Variants in TOX observed in about 807,000 individuals in gnomAD.
The protein encoded by TOX is thymocyte selection associated high mobility group box.
TOX carries 11 observed loss-of-function variants against 53.7 expected under a neutral mutation model. The ratio of observed to expected loss-of-function variants is 0.20; its 90% CI spans 0.13 to 0.34. The LOEUF (loss-of-function observed/expected upper bound fraction) is 0.34. TOX is among the 10% of genes least tolerant of loss of function. The pLI is 1.00. For synonymous variants in TOX, 225 were observed against 245.3 expected (o/e 0.92, Z 0.77); for missense variants, 570 against 664.6 (o/e 0.86, Z 1.56).
intron 1 of TOX, among the ~76,000 whole-genome samples, chr8:59,008,303 G>C (rs1813830148): frequency 6.6e-6 from 1 of 152,324 alleles, no homozygotes; most frequent in South Asian, 2.1e-4. Context: ...TGAAGAAATT[G>C]TACAGCTTTA....
Position 58,939,470 on chromosome 8 carries a change from G to C in TOX, c.243C>G (p.His81Gln). Residue 81 changes from histidine (H) to glutamine (Q), a missense_variant, in exon 3 of 9, where the codon CAC (histidine) becomes CAG (glutamine). His to Gln is a conservative substitution (Grantham distance 24). Coordinates refer to ENST00000361421, the MANE Select transcript of TOX (RefSeq NM_014729.3). ...CAACTTCATTCAGGTGCACCAGCGA[G>C]TGGTCTGGGAGGGAAGGAGGAGTAA... ...PPITPPSLPDHSLVHLNEVES... is the reference protein window; with the variant it reads ...PPITPPSLPDQSLVHLNEVES... The C allele has an allele frequency of 1.9e-6, 3 of 1,614,222 alleles. No homozygotes were observed. Among genetic ancestry groups the C allele is most frequent in the Non-Finnish European group, 2.5e-6 (3 of 1,180,038 alleles).
chr8:58,943,615 TAA>T (rs752767981), intron 2 of TOX, among the ~76,000 whole-genome samples: 42,421 of 130,668 alleles, frequency 0.32, 6,408 homozygotes, highest in East Asian at 0.42. Context: ...TTTTTTTTTC[TAA>T]AAAAAAAAAA....
chr8:59,018,799 T>TA (rs762437971), intron 1 of TOX, among the ~76,000 whole-genome samples: 28 of 152,192 alleles, frequency 1.8e-4, no homozygotes, highest in Admixed American at 7.9e-4. Flanking sequence ...TCTTGCTGAT[T>TA]AAAAAAACCC....
Position 58,960,797 on chromosome 8 carries a change from G to A in TOX, c.103-789C>T, listed in dbSNP as rs148738704. Among the ~76,000 whole-genome samples the A allele has an allele frequency of 2.0e-3, 307 of 152,264 alleles. 2 individuals carry two copies. The highest frequency in any genetic ancestry group is 3.0e-3 in the Non-Finnish European group (207 of 68,020). On this transcript the variant is annotated intron_variant, in intron 1 of 8. Transcript: ENST00000361421. ...CAACAAAATACTTTTCAGTATTTGG[G>A]GTTTTGCAAGTAGTCATCACTCTAC...
intron 1 of TOX, among the ~76,000 whole-genome samples, chr8:59,078,361 G>T (rs934369288): frequency 6.6e-6 from 1 of 152,190 alleles, no homozygotes; most frequent in Admixed American, 6.5e-5. Context: ...TGGTAGGAGG[G>T]TTTGGGTCAT....
chr8:58,973,420 G>A (rs893037137), intron 1 of TOX, among the ~76,000 whole-genome samples: 25 of 152,310 alleles, frequency 1.6e-4, no homozygotes, highest in Non-Finnish European at 2.9e-4. Context: ...ACTATCAGAT[G>A]ACTGAAAAGA....
Position 58,807,740 on chromosome 8 carries a change from C to T in TOX, c.*7G>A. The T allele has an allele frequency of 6.2e-7, 1 of 1,614,056 alleles. No homozygotes were observed. Among genetic ancestry groups the T allele is most frequent in the Admixed American group, 1.7e-5 (1 of 60,024 alleles). ...TTCCTCAGTGGAAAGAAGAGGTGTT[C>T]AGATTCTCAAGTAAGGTACAGTGCT... On this transcript the variant is annotated 3_prime_UTR_variant, in exon 9 of 9. Coordinates refer to ENST00000361421, the MANE Select transcript of TOX (RefSeq NM_014729.3).
chr8:59,013,688 C>A lies in TOX; in HGVS notation c.103-53680G>T, dbSNP rs150040244. Among the ~76,000 whole-genome samples, 1,502 of 152,304 alleles carry A rather than the reference C, an allele frequency of 9.9e-3. 51 individuals are homozygous for A. Among genetic ancestry groups the A allele is most frequent in the South Asian group, 0.096 (464 of 4,826 alleles). ...CCTCCCAAAGTGCTGGGATTACAGG[C>A]GTGAGCCAGCGCACCTGGCCATCAA... On this transcript the variant is annotated intron_variant, in intron 1 of 8. Coordinates refer to ENST00000361421, the MANE Select transcript of TOX (RefSeq NM_014729.3).
At chr8:58,849,332 T>C (rs1810769791) in intron 4 of TOX, among the ~76,000 whole-genome samples, 1 of 152,124 alleles carries the variant, frequency 6.6e-6, no homozygotes. Context: ...TCCCTAAACT[T>C]TCCTGCATTG....
chr8:59,038,838 C>T (rs528328752), intron 1 of TOX, among the ~76,000 whole-genome samples: 1 of 152,236 alleles, frequency 6.6e-6, no homozygotes, highest in Non-Finnish European at 1.5e-5. Flanking sequence ...GTTTTGAAGT[C>T]AGCAAGTTGA....
intron 1 of TOX, among the ~76,000 whole-genome samples, chr8:59,005,192 C>T (rs1467750914): frequency 1.3e-5 from 2 of 152,100 alleles, no homozygotes; most frequent in African/African-American, 2.4e-5. Flanking sequence ...GTGCCCGCCA[C>T]CAAGCCTGGC....
chr8:58,963,863 G>A (rs554062415), intron 1 of TOX, among the ~76,000 whole-genome samples: 5 of 152,294 alleles, frequency 3.3e-5, no homozygotes, highest in Admixed American at 2.6e-4. Context: ...GGGCTGGCAC[G>A]TAATAGGTCT....
At chr8:58,965,674 C>T (rs2168409) in intron 1 of TOX, among the ~76,000 whole-genome samples, 144,341 of 152,168 alleles carry the variant, frequency 0.95, 68,521 homozygotes, top group East Asian at 1. Context: ...GTATTGCCTA[C>T]AAAGGGAAAA....
intron 4 of TOX, among the ~76,000 whole-genome samples, chr8:58,840,226 T>A (rs966324387): frequency 6.6e-6 from 1 of 152,192 alleles, no homozygotes; most frequent in African/African-American, 2.4e-5. Flanking sequence ...TTAAAAAGAA[T>A]ATCATTCTGA....
At chr8:58,811,387 T>C (rs1810072458) in intron 7 of TOX, among the ~76,000 whole-genome samples, 1 of 152,238 alleles carries the variant, frequency 6.6e-6, no homozygotes, top group Non-Finnish European at 1.5e-5. Flanking sequence ...TAAAGATTAA[T>C]TTGATGTCAG....
intron 1 of TOX, among the ~76,000 whole-genome samples, chr8:59,111,107 C>A (rs1805009757): frequency 1.3e-5 from 2 of 152,114 alleles, no homozygotes; most frequent in Admixed American, 1.3e-4. Flanking sequence ...TTTTACCAGA[C>A]ACAGAACAAA....
intron 3 of TOX, among the ~76,000 whole-genome samples, chr8:58,892,395 C>T (rs2129172010): frequency 6.6e-6 from 1 of 152,226 alleles, no homozygotes; most frequent in East Asian, 1.9e-4. Context: ...TGGCTTTAGT[C>T]AGTTGAGTTT....
At chr8:58,942,227 C>T (rs969776857) in intron 2 of TOX, among the ~76,000 whole-genome samples, 3 of 152,054 alleles carry the variant, frequency 2.0e-5, no homozygotes, top group African/African-American at 7.2e-5. Context: ...AGGGTTTCTT[C>T]AGTAGTTAAT....
chr8:59,085,598 G>A (rs1017419727), intron 1 of TOX, among the ~76,000 whole-genome samples: 2 of 152,172 alleles, frequency 1.3e-5, no homozygotes, highest in African/African-American at 4.8e-5. Context: ...CTGTTGCCCA[G>A]GCTGGTCTCA....
Sources: gnomAD v4.1 joint callset for allele counts (sites outside exome capture counted in the v4.1 genomes callset) on GRCh38, gnomAD v4.1.1 for gene constraint, MANE v1.5 for transcripts, NCBI Gene and HGNC (gene_info 2026-07-23, HGNC 2026-07-21) for gene names.